The following GRIPAP1 variants were observed in gnomAD, a reference collection of about 807,000 sequenced individuals.
GRIPAP1 encodes the protein GRIP1-associated protein 1.
Under a neutral mutation model 84.1 loss-of-function variants are expected in GRIPAP1, and 14 were observed. The ratio of observed to expected loss-of-function variants is 0.17; its 90% CI spans 0.11 to 0.26. GRIPAP1 has a LOEUF of 0.26. GRIPAP1 is among the 10% of genes least tolerant of loss of function. GRIPAP1 has a pLI of 1.00. For missense variants in GRIPAP1, 518 were observed against 674.2 expected (o/e 0.77, Z 2.57); for synonymous variants, 261 against 256.8 (o/e 1.02, Z -0.15).
At chrX:48,993,863 G>A (rs1256992443) in intron 5 of GRIPAP1, among the ~76,000 whole-genome samples, 5 of 111,480 alleles carry the variant, frequency 4.5e-5, no homozygotes, top group Non-Finnish European at 7.5e-5. Context: ...CCTCAGAGAT[G>A]CAATCCAAGA....
At chrX:49,000,617 G>C (rs2064574077) in intron 1 of GRIPAP1, 1 of 109,449 alleles carries the variant, frequency 9.1e-6, no homozygotes. Flanking sequence ...CTTGAACCCG[G>C]GAGGTGGAGG....
chrX:48,974,946 C>T (rs1313887939), intron 25 of GRIPAP1, among the ~76,000 whole-genome samples: 2 of 109,990 alleles, frequency 1.8e-5, no homozygotes, highest in Non-Finnish European at 1.9e-5. Context: ...AATGGATGAG[C>T]GGGTACATGG....
chrX:48,980,939 A>G (rs2064452922), intron 21 of GRIPAP1: 1 of 360,837 alleles, frequency 2.8e-6, no homozygotes, highest in Non-Finnish European at 4.8e-6. Context: ...GCAAGGAGAT[A>G]AAGGCAAACA....
intron 21 of GRIPAP1, 67 bp from the exon 22 acceptor site, chrX:48,978,502 G>A: frequency 2.0e-6 from 2 of 992,002 alleles, no homozygotes; most frequent in African/African-American, 1.9e-5. Context: ...CAACCAGCAG[G>A]AAGAGGCAGA....
chrX:48,989,478 C>T (rs782108136), intron 11 of GRIPAP1, 133 bp downstream of exon 11: 3 of 455,387 alleles, frequency 6.6e-6, no homozygotes, highest in Non-Finnish European at 1.1e-5. Flanking sequence ...TTCCTAGCTC[C>T]TGGGGGGCCC....
chrX:48,982,810 G>GC (rs1569519491), intron 17 of GRIPAP1, among the ~76,000 whole-genome samples, 169 bp downstream of exon 17: 1 of 112,422 alleles, frequency 8.9e-6, no homozygotes, highest in East Asian at 2.8e-4. Flanking sequence ...CTATCTGATG[G>GC]CCATCCCCTG....
chrX:48,981,364 G>A (rs1557062089), intron 20 of GRIPAP1, 50 bp from the exon 21 acceptor site: 2 of 1,200,090 alleles, frequency 1.7e-6, no homozygotes, highest in Admixed American at 2.2e-5. Context: ...GGGCCCATAG[G>A]AGGGAGGCTA....
At chrX:48,986,228 C>T in intron 13 of GRIPAP1, among the ~76,000 whole-genome samples, 1 of 60,546 alleles carries the variant, frequency 1.7e-5, no homozygotes, top group African/African-American at 6.3e-5. Flanking sequence ...GACAACAAGA[C>T]CGAAACTCCG....
At chrX:48,975,569 C>T (rs1326507319) in intron 24 of GRIPAP1, 1 of 363,694 alleles carries the variant, frequency 2.7e-6, no homozygotes, top group Non-Finnish European at 4.7e-6. Flanking sequence ...ACAGAAAGTC[C>T]TCAGCACATG....
chrX:48,990,787 C>A (rs1319363611), intron 7 of GRIPAP1, 55 bp from the exon 8 acceptor site: 2 of 1,088,955 alleles, frequency 1.8e-6, no homozygotes, highest in Non-Finnish European at 1.3e-6. Context: ...CAAGGAGAAG[C>A]CTTCCCCTGC....
chrX:48,976,163 A>G, intron 23 of GRIPAP1, 52 bp from the exon 24 acceptor site: 3 of 1,198,029 alleles, frequency 2.5e-6, no homozygotes, highest in Non-Finnish European at 3.4e-6. Context: ...ATGTTCACAC[A>G]TGAGGCGGGC....
Position 48,974,018 on chromosome X carries a change from G to A in GRIPAP1, c.*175C>T, listed in dbSNP as rs973740676. 2.5e-5 allele frequency: 9 copies of A among 363,220 alleles called. No individual in the cohort carries two copies. Among genetic ancestry groups the A allele is most frequent in the Middle Eastern group, 7.5e-4 (1 of 1,325 alleles). 29.9% of individuals were successfully genotyped at this position (363,220 alleles called of 1,213,427 possible). A position where few individuals can be genotyped will look rare whatever the true frequency, so the allele number is the denominator to read the frequency against. On this transcript the variant is annotated 3_prime_UTR_variant, in exon 26 of 26. Transcript: ENST00000376423. ...TCCCTCAGGATCCCCACTCCCTGGT[G>A]GCCTCTGCCCTAAGACAGGATCATT... is the stretch of plus-strand genomic sequence containing the variant.
At chrX:48,979,014 T>C (rs2064438762) in intron 21 of GRIPAP1, among the ~76,000 whole-genome samples, 1 of 109,807 alleles carries the variant, frequency 9.1e-6, no homozygotes, top group South Asian at 3.8e-4. Context: ...TGGGTACACA[T>C]GGGTCTCAAG....
rs2064416365 is a variant in GRIPAP1 at position 48,975,307 on chromosome X, C to A, written c.2281G>T (p.Val761Leu). 8.3e-7 allele frequency: 1 copy of A among 1,206,521 alleles called. No homozygotes were observed. ...ETYVMDSRID[V>L]SVAAGHTDRS... ...TCTGTGTGGCCTGCTGCCACAGACA[C>A]ATCTGCAAGGGCCCAGGCTGAAAAC... Residue 761 changes from valine to leucine, a missense_variant and splice_region_variant, in exon 25 of 26, where the codon GTG becomes TTG. Coordinates refer to ENST00000376423, the MANE Select transcript of GRIPAP1 (RefSeq NM_020137.5).
intron 22 of GRIPAP1, chrX:48,977,857 A>C (rs1316560159): frequency 1.8e-5 from 2 of 113,538 alleles, no homozygotes; most frequent in Non-Finnish European, 3.7e-5. Context: ...GTTTTAAAAA[A>C]ATCTTTGCTC....
chrX:48,983,793 T>C lies in GRIPAP1; in HGVS notation c.1254A>G (p.Glu418=), dbSNP rs781929468. The C allele has an allele frequency of 1.7e-6, 2 of 1,181,743 alleles. No homozygotes were observed. Among genetic ancestry groups the C allele is most frequent in the Non-Finnish European group, 2.3e-6 (2 of 868,282 alleles). ...IGQEKEQLTQ[E]LQEARKSAEK... The stretch of plus-strand genomic sequence containing the variant: ...CCCCTACCTTCCGAGCCTCCTGTAA[T>C]TCCTGGGTCAACTGCTCCTTCTCCT... Residue 418 remains glutamate (E), a synonymous_variant, in exon 15 of 26, where the codon GAA becomes GAG. Transcript: ENST00000376423.
chrX:48,998,892 T>C (rs2064561425), intron 3 of GRIPAP1: 1 of 226,971 alleles, frequency 4.4e-6, no homozygotes, highest in Admixed American at 6.7e-5. Flanking sequence ...AGGACAGAGA[T>C]GGGAAGTAGG....
chrX:48,998,088 T>C, intron 4 of GRIPAP1, 66 bp downstream of exon 4: 1 of 802,567 alleles, frequency 1.2e-6, no homozygotes, highest in Non-Finnish European at 1.9e-6. Context: ...CAAGGAAATA[T>C]CAGCATACAG....
In GRIPAP1 at chrX:48,988,203, G is replaced by C. The variant is rs1557064496; in HGVS notation, c.871-5C>G. On this transcript the variant is annotated splice_polypyrimidine_tract_variant and splice_region_variant and intron_variant, in intron 11 of 25. Transcript: ENST00000376423. ...ATCTCTCAGCTCTGCCAAGCTCTGTGGAGACCAGGGGAGCCCATTTTACAC... is the reference window on the plus strand; with the variant it reads ...ATCTCTCAGCTCTGCCAAGCTCTGTCGAGACCAGGGGAGCCCATTTTACAC... The C allele has an allele frequency of 8.6e-7, 1 of 1,168,761 alleles. No individual in the cohort carries two copies.
Sources: gnomAD v4.1 joint callset for allele counts (sites outside exome capture counted in the v4.1 genomes callset) on GRCh38, gnomAD v4.1.1 for gene constraint, MANE v1.5 for transcripts, NCBI Gene and HGNC (gene_info 2026-07-23, HGNC 2026-07-21) for gene names.